The following GYPC variants were observed in gnomAD, a reference collection of about 807,000 sequenced individuals.
The protein encoded by GYPC is glycophorin-C.
In GYPC, 14 loss-of-function variants were observed where a neutral mutation model predicts 12.6. The observed-to-expected ratio is 1.11, with a 90% CI of 0.74 to 1.74. GYPC has a LOEUF of 1.74. Among genes scored for constraint, GYPC ranks in the 40% most tolerant of loss-of-function variants. GYPC has a pLI of 0.00. For synonymous variants in GYPC, 78 were observed against 62.1 expected (o/e 1.26, Z -1.20); for missense variants, 225 against 172.1 (o/e 1.31, Z -1.72).
At chr2:126,677,192 AGT>A (rs201904253) in intron 1 of GYPC, among the ~76,000 whole-genome samples, 357 of 151,668 alleles carry the variant, frequency 2.4e-3, no homozygotes, top group Non-Finnish European at 3.4e-3. Context: ...TGTGCATGAG[AGT>A]GTGTGTGTGC....
intron 1 of GYPC, among the ~76,000 whole-genome samples, chr2:126,679,144 G>A (rs931425462): frequency 5.3e-5 from 8 of 152,170 alleles, no homozygotes; most frequent in African/African-American, 7.2e-5. Flanking sequence ...AGATTAGCAC[G>A]CAGCATCTGT....
chr2:126,672,077 T>G (rs6756110), intron 1 of GYPC, among the ~76,000 whole-genome samples: 73,085 of 151,694 alleles, frequency 0.48, 19,269 homozygotes, highest in Non-Finnish European at 0.58. Context: ...GGCTGGGGGA[T>G]GAGGGAGGGA....
chr2:126,656,972 T>C (rs1279890618), intron 1 of GYPC, among the ~76,000 whole-genome samples: 3 of 152,232 alleles, frequency 2.0e-5, no homozygotes, highest in East Asian at 1.9e-4. Context: ...TCCTCTGCCG[T>C]TGGACTTTTG....
intron 3 of GYPC, 83 bp downstream of exon 3, chr2:126,694,030 C>A: frequency 1.0e-6 from 1 of 964,566 alleles, no homozygotes; most frequent in Non-Finnish European, 1.7e-6. Context: ...GACCTAAGGA[C>A]TTGGGCAGTG....
intron 1 of GYPC, among the ~76,000 whole-genome samples, chr2:126,674,520 C>A (rs1028033389): frequency 2.0e-5 from 3 of 152,182 alleles, no homozygotes; most frequent in Non-Finnish European, 4.4e-5. Context: ...GGCCCTCGAG[C>A]CCTGAATGTG....
intron 1 of GYPC, among the ~76,000 whole-genome samples, chr2:126,675,343 G>A (rs1682967657): frequency 6.6e-6 from 1 of 152,048 alleles, no homozygotes; most frequent in Non-Finnish European, 1.5e-5. Flanking sequence ...TCAATAACGG[G>A]GCATGTGGAA....
At chr2:126,675,752 G>A (rs1244454656) in intron 1 of GYPC, 19 of 899,322 alleles carry the variant, frequency 2.1e-5, no homozygotes, top group Non-Finnish European at 2.3e-5. Flanking sequence ...CCAAGCAGGT[G>A]AGTAATAAAA....
At chr2:126,681,050 G>A (rs1234428310) in intron 1 of GYPC, among the ~76,000 whole-genome samples, 1 of 152,248 alleles carries the variant, frequency 6.6e-6, no homozygotes, top group East Asian at 1.9e-4. Context: ...ATTCATCCCC[G>A]TTTCTTCACT....
chr2:126,677,724 T>C (rs12614769), intron 1 of GYPC, among the ~76,000 whole-genome samples: 24,446 of 151,832 alleles, frequency 0.16, 2,520 homozygotes, highest in East Asian at 0.42. Context: ...CACACGAGGG[T>C]CCGGGAGGGG....
chr2:126,659,170 C>T (rs1682457111), intron 1 of GYPC, among the ~76,000 whole-genome samples: 1 of 152,190 alleles, frequency 6.6e-6, no homozygotes, highest in African/African-American at 2.4e-5. Context: ...ACAAAACAAA[C>T]GCTGTCACTT....
chr2:126,670,889 C>T (rs1682833518), intron 1 of GYPC, among the ~76,000 whole-genome samples: 1 of 152,216 alleles, frequency 6.6e-6, no homozygotes, highest in Admixed American at 6.5e-5. Flanking sequence ...TTCCCTGCTA[C>T]AATAGCAGCA....
chr2:126,676,039 C>T (rs997750568), intron 1 of GYPC, among the ~76,000 whole-genome samples: 1 of 152,180 alleles, frequency 6.6e-6, no homozygotes, highest in African/African-American at 2.4e-5. Flanking sequence ...TGGCTTCTTC[C>T]AGCTGTGCTG....
In GYPC at chr2:126,684,770, A is replaced by G. The variant is rs375284649; in HGVS notation, c.50-5485A>G. Reference sequence around the variant, plus strand: ...CACAATTATGAGCATCCCCATTGCCATAGAATCCTAGAGTCCTGGGGCTCA... The same window carrying G: ...CACAATTATGAGCATCCCCATTGCCGTAGAATCCTAGAGTCCTGGGGCTCA... On this transcript the variant is annotated intron_variant, in intron 1 of 3. Coordinates refer to ENST00000259254, the MANE Select transcript of GYPC (RefSeq NM_002101.5). Among the ~76,000 whole-genome samples, 80 of 152,324 alleles carry G rather than the reference A, an allele frequency of 5.3e-4. No homozygotes were observed. In the South Asian group the frequency reaches 9.5e-3, roughly 18 times the overall value.
intron 1 of GYPC, among the ~76,000 whole-genome samples, chr2:126,673,960 G>A (rs1343091506): frequency 1.3e-5 from 2 of 152,192 alleles, no homozygotes; most frequent in Admixed American, 6.5e-5. Flanking sequence ...TCCTTCCAGA[G>A]CAGGACTGTG....
At chr2:126,690,398 G>A in intron 2 of GYPC, 87 bp downstream of exon 2, 1 of 1,014,658 alleles carries the variant, frequency 9.9e-7, no homozygotes, top group South Asian at 1.3e-5. Flanking sequence ...AAGCAGCCAG[G>A]GTTGGGGGAC....
chr2:126,683,325 A>T (rs1478386797), intron 1 of GYPC, among the ~76,000 whole-genome samples: 2 of 152,008 alleles, frequency 1.3e-5, no homozygotes, highest in East Asian at 1.9e-4. Context: ...GTCTCAAAAA[A>T]AAAAGGATAT....
rs1558894119 is a variant in GYPC, at chr2:126,693,903, T to C, written c.146T>C (p.Met49Thr). 1 of 1,612,956 alleles carries C rather than the reference T, an allele frequency of 6.2e-7. No homozygotes were observed. Among genetic ancestry groups the C allele is most frequent in the East Asian group, 2.2e-5 (1 of 44,866 alleles). Reference sequence around the variant, plus strand: ...ATGTCTGGATGGCCGGATGGCAGAATGGAGACCTCCACCCCCACCATAATG... The same window carrying C: ...ATGTCTGGATGGCCGGATGGCAGAACGGAGACCTCCACCCCCACCATAATG... ...PGMSGWPDGR[M>T]ETSTPTIMDI... Residue 49 changes from methionine to threonine, a missense_variant, in exon 3 of 4, where the codon ATG (methionine) becomes ACG (threonine). Physicochemically the swap from Met to Thr is moderately conservative, Grantham distance 81 (BLOSUM62 -1). Coordinates refer to ENST00000259254, the MANE Select transcript of GYPC (RefSeq NM_002101.5).
At chr2:126,690,136 C>T in intron 1 of GYPC, 119 bp from the exon 2 acceptor site, 3 of 782,692 alleles carry the variant, frequency 3.8e-6, no homozygotes, top group Non-Finnish European at 6.9e-6. Flanking sequence ...TGTCTCTGTC[C>T]ACTTGAACCC....
At chr2:126,687,131 G>A (rs760182322) in intron 1 of GYPC, among the ~76,000 whole-genome samples, 7 of 152,202 alleles carry the variant, frequency 4.6e-5, no homozygotes, top group East Asian at 1.9e-4. Flanking sequence ...CCTTGGAGCC[G>A]TGGATGGCAA....
Sources: allele counts gnomAD v4.1 joint callset (sites outside exome capture counted in the v4.1 genomes callset), GRCh38; gene constraint gnomAD v4.1.1; transcripts MANE v1.5; gene names NCBI Gene and HGNC (gene_info 2026-07-23, HGNC 2026-07-21).